GRK5: variants seen among roughly 807,000 people sequenced by gnomAD.
GRK5 encodes the protein g protein-coupled receptor kinase GRK5.
GRK5 carries 40 observed loss-of-function variants against 78.4 expected under a neutral mutation model. That is an observed-to-expected ratio of 0.51 (90% confidence interval 0.40 to 0.66). GRK5 has a LOEUF of 0.66. GRK5 is among the 30% of genes least tolerant of loss of function. The probability of loss-of-function intolerance (pLI) is 0.00; values close to 1 mark genes in which losing one functional copy is unlikely to be tolerated. For synonymous variants in GRK5, 289 were observed against 296.8 expected (o/e 0.97, Z 0.27); for missense variants, 598 against 759.9 (o/e 0.79, Z 2.50).
chr10:119,234,463 C>G (rs1041150930), intron 1 of GRK5, among the ~76,000 whole-genome samples: 4 of 152,208 alleles, frequency 2.6e-5, no homozygotes, highest in African/African-American at 4.8e-5. Flanking sequence ...GCACAGAAGA[C>G]TTAGGAATCT....
chr10:119,219,200 C>T (rs1288967462), intron 1 of GRK5, among the ~76,000 whole-genome samples: 1 of 151,954 alleles, frequency 6.6e-6, no homozygotes, highest in Non-Finnish European at 1.5e-5. Flanking sequence ...ATATCTGAAA[C>T]TTTTTGAAAG....
intron 1 of GRK5, among the ~76,000 whole-genome samples, chr10:119,280,781 CTTTT>C (rs56082726): frequency 5.5e-5 from 5 of 91,564 alleles, no homozygotes; most frequent in Non-Finnish European, 9.1e-5. Flanking sequence ...CCCTCCTTTT[CTTTT>C]TTTTTTTTTT....
chr10:119,218,019 G>A (rs1443001448), intron 1 of GRK5, among the ~76,000 whole-genome samples: 3 of 151,996 alleles, frequency 2.0e-5, no homozygotes, highest in South Asian at 2.1e-4. Flanking sequence ...ATGACCCCTT[G>A]CCATTTTTCA....
chr10:119,207,953 G>A lies in GRK5; in HGVS notation c.36G>A (p.Leu12=). The A allele has an allele frequency of 6.2e-7, 1 of 1,604,966 alleles. No homozygotes were observed. The highest frequency in any genetic ancestry group is 8.5e-7 in the Non-Finnish European group (1 of 1,176,508). ...AAAACATCGTGGCCAACACGGTCTT[G>A]CTGAAAGCCAGGGAAGGTAAGAGGC... ...ELENIVANTV[L]LKAREGGGGK... Residue 12 remains leucine, a synonymous_variant, in exon 1 of 16, where the codon TTG becomes TTA. Coordinates refer to ENST00000392870, the MANE Select transcript of GRK5 (RefSeq NM_005308.3).
intron 4 of GRK5, among the ~76,000 whole-genome samples, chr10:119,405,942 T>C (rs1440235269): frequency 6.6e-6 from 1 of 152,204 alleles, no homozygotes; most frequent in Non-Finnish European, 1.5e-5. Context: ...GAACCAGTAT[T>C]GATTTGTCAT....
At chr10:119,277,783 C>CGCTTGTATTTTCTGGATTT (rs1173709157) in intron 1 of GRK5, among the ~76,000 whole-genome samples, 1 of 152,136 alleles carries the variant, frequency 6.6e-6, no homozygotes, top group Admixed American at 6.5e-5. Flanking sequence ...GCTCTGGATT[C>CGCTTGTATTTTCTGGATTT]GCTTGTATTT....
chr10:119,347,969 A>G (rs1851126364), intron 2 of GRK5, among the ~76,000 whole-genome samples: 1 of 152,078 alleles, frequency 6.6e-6, no homozygotes. Context: ...CTTCTCCACA[A>G]AGGAGGGGCA....
intron 4 of GRK5, among the ~76,000 whole-genome samples, chr10:119,411,572 T>C (rs1242631538): frequency 6.6e-6 from 1 of 152,146 alleles, no homozygotes; most frequent in African/African-American, 2.4e-5. Context: ...GCATGCTTTT[T>C]AAGAAAAAGA....
intron 4 of GRK5, among the ~76,000 whole-genome samples, chr10:119,414,992 G>A (rs1190945248): frequency 2.9e-5 from 4 of 136,382 alleles, no homozygotes; most frequent in African/African-American, 1.1e-4. Context: ...TGAGGCATGA[G>A]AATAACTTGA....
intron 1 of GRK5, among the ~76,000 whole-genome samples, chr10:119,325,234 G>A (rs1475890481): frequency 2.6e-5 from 4 of 152,210 alleles, no homozygotes; most frequent in Admixed American, 1.3e-4. Context: ...TTCAGCTTTG[G>A]GAGGAAGGCC....
At chr10:119,275,170 T>C (rs971459173) in intron 1 of GRK5, among the ~76,000 whole-genome samples, 2 of 152,128 alleles carry the variant, frequency 1.3e-5, no homozygotes, top group African/African-American at 4.8e-5. Context: ...TGTGATGGTT[T>C]TATTACCACC....
chr10:119,427,907 C>T (rs1157721605), intron 6 of GRK5, among the ~76,000 whole-genome samples: 6 of 151,188 alleles, frequency 4.0e-5, no homozygotes, highest in Non-Finnish European at 8.8e-5. Context: ...TCAGTATCAT[C>T]GCCACCGTCA....
At chr10:119,348,450 G>C (rs1851136561) in intron 2 of GRK5, among the ~76,000 whole-genome samples, 2 of 152,210 alleles carry the variant, frequency 1.3e-5, no homozygotes, top group South Asian at 4.1e-4. Flanking sequence ...TCCCTGCTCG[G>C]CCTAGGAAGC....
intron 1 of GRK5, among the ~76,000 whole-genome samples, chr10:119,308,981 A>C (rs1850317332): frequency 6.6e-6 from 1 of 152,064 alleles, no homozygotes; most frequent in South Asian, 2.1e-4. Flanking sequence ...CCTGTCTGGG[A>C]GCTCCCTCCA....
At chr10:119,432,743 C>G (rs1469936812) in intron 8 of GRK5, among the ~76,000 whole-genome samples, 1 of 152,194 alleles carries the variant, frequency 6.6e-6, no homozygotes, top group Non-Finnish European at 1.5e-5. Context: ...TCCATATAGT[C>G]AGTCCCCATG....
intron 1 of GRK5, among the ~76,000 whole-genome samples, chr10:119,218,992 G>C (rs889155093): frequency 2.7e-5 from 4 of 148,434 alleles, no homozygotes; most frequent in Admixed American, 2.0e-4. Flanking sequence ...CCGCTTCCCG[G>C]GTTCAAGCGA....
rs115391387 is a variant in GRK5, at chr10:119,367,698, A to G, written c.149-13117A>G. Among the ~76,000 whole-genome samples the G allele has an allele frequency of 8.0e-4, 122 of 152,374 alleles. 1 individual carries two copies. Among genetic ancestry groups the G allele is most frequent in the African/African-American group, 2.5e-3 (104 of 41,596 alleles). ...GGAATGGCCTCACAGCATGGTGTTG[A>G]TAAAGAGTATTGGATGCTCTGCAGG... On this transcript the variant is annotated intron_variant, in intron 2 of 15. Transcript: ENST00000392870.
intron 1 of GRK5, among the ~76,000 whole-genome samples, chr10:119,245,712 A>G (rs1320529990): frequency 6.6e-6 from 1 of 152,132 alleles, no homozygotes; most frequent in Non-Finnish European, 1.5e-5. Flanking sequence ...AGTTAATCAT[A>G]CTGTGCACTT....
chr10:119,312,991 T>C, intron 1 of GRK5, among the ~76,000 whole-genome samples: 1 of 151,762 alleles, frequency 6.6e-6, no homozygotes, highest in Non-Finnish European at 1.5e-5. Context: ...CTGATGGTGG[T>C]GGTAATGGTG....
Sources: gnomAD v4.1 joint callset for allele counts (sites outside exome capture counted in the v4.1 genomes callset) on GRCh38, gnomAD v4.1.1 for gene constraint, MANE v1.5 for transcripts, NCBI Gene and HGNC (gene_info 2026-07-23, HGNC 2026-07-21) for gene names.